The following TAFA2 variants were observed in gnomAD, a reference collection of about 807,000 sequenced individuals.
TAFA2 encodes the protein TAFA chemokine like family member 2.
TAFA2 carries 7 observed loss-of-function variants against 18.8 expected under a neutral mutation model. That is an observed-to-expected ratio of 0.37 (90% CI 0.21 to 0.70). TAFA2 has a LOEUF of 0.70. Among genes scored for constraint, TAFA2 ranks in the 30% least tolerant of loss-of-function variants. The pLI is 0.53. For synonymous variants in TAFA2, 60 were observed against 54.2 expected, an observed-to-expected ratio of 1.11 and a Z score of -0.47; for missense variants, 122 against 158.1, an observed-to-expected ratio of 0.77 and a Z score of 1.23.
At chr12:61,955,532 G>A (rs1166135508) in intron 1 of TAFA2, among the ~76,000 whole-genome samples, 1 of 142,428 alleles carries the variant, frequency 7.0e-6, no homozygotes, top group Non-Finnish European at 1.5e-5. Flanking sequence ...AACCTGGGAG[G>A]TGGAGGTTGC....
chr12:61,887,515 T>C (rs1875436982), intron 1 of TAFA2, among the ~76,000 whole-genome samples: 1 of 151,184 alleles, frequency 6.6e-6, no homozygotes, highest in Non-Finnish European at 1.5e-5. Context: ...ACATGTGCCA[T>C]GCTGGTGTGC....
At chr12:62,100,478 T>C (rs1447505140) in intron 1 of TAFA2, among the ~76,000 whole-genome samples, 1 of 152,172 alleles carries the variant, frequency 6.6e-6, no homozygotes, top group Non-Finnish European at 1.5e-5. Flanking sequence ...AGATTTCTGG[T>C]ATACTAGCTA....
At chr12:62,006,294 G>A (rs1880547169) in intron 1 of TAFA2, among the ~76,000 whole-genome samples, 1 of 152,060 alleles carries the variant, frequency 6.6e-6, no homozygotes, top group South Asian at 2.1e-4. Context: ...TGTTGACAAA[G>A]GCAAACAGGG....
chr12:61,953,449 G>T (rs1051496561), intron 1 of TAFA2, among the ~76,000 whole-genome samples: 5 of 149,014 alleles, frequency 3.4e-5, no homozygotes, highest in African/African-American at 7.8e-5. Flanking sequence ...TATATTGTAG[G>T]ATAAAGGAAA....
intron 2 of TAFA2, among the ~76,000 whole-genome samples, chr12:61,852,774 T>A: frequency 6.6e-6 from 1 of 151,896 alleles, no homozygotes; most frequent in East Asian, 1.9e-4. Flanking sequence ...GGACAAATAA[T>A]AGAAAACGAT....
At chr12:61,899,231 T>A (rs1174000642) in intron 1 of TAFA2, among the ~76,000 whole-genome samples, 1 of 152,212 alleles carries the variant, frequency 6.6e-6, no homozygotes, top group African/African-American at 2.4e-5. Context: ...AACCTCTGTC[T>A]GTGTGGGACA....
chr12:61,953,086 A>G (rs909554342), intron 1 of TAFA2, among the ~76,000 whole-genome samples: 1 of 152,142 alleles, frequency 6.6e-6, no homozygotes, highest in African/African-American at 2.4e-5. Flanking sequence ...CCTTATGTTT[A>G]TCGTTTCCTC....
intron 1 of TAFA2, among the ~76,000 whole-genome samples, chr12:62,018,449 A>T (rs1304725762): frequency 6.6e-6 from 1 of 152,086 alleles, no homozygotes; most frequent in Non-Finnish European, 1.5e-5. Flanking sequence ...TGTCAGTTCA[A>T]CTAAACTTAA....
intron 1 of TAFA2, among the ~76,000 whole-genome samples, chr12:62,221,278 G>C (rs2062761856): frequency 6.8e-6 from 1 of 147,088 alleles, no homozygotes; most frequent in Non-Finnish European, 1.5e-5. Flanking sequence ...TGAAAGAAAA[G>C]AAACAAAAAT....
intron 1 of TAFA2, chr12:62,258,102 G>C (rs1053342682): frequency 6.6e-6 from 1 of 152,166 alleles, no homozygotes; most frequent in African/African-American, 2.4e-5. Context: ...CTTATCTATA[G>C]ACTTGAAATA....
intron 1 of TAFA2, among the ~76,000 whole-genome samples, chr12:62,093,012 G>T (rs1471903116): frequency 1.3e-5 from 2 of 151,958 alleles, no homozygotes; most frequent in Non-Finnish European, 2.9e-5. Flanking sequence ...TAGGAAATTT[G>T]CTTTTTAGTC....
chr12:62,147,322 GTATGTATATATATATATATA>G lies in TAFA2; in HGVS notation c.-2+43917_-2+43936del, dbSNP rs1348643506. 2.7e-3 allele frequency among the ~76,000 whole-genome samples: 135 copies of G among 49,384 alleles called. 3 individuals carry two copies. Among genetic ancestry groups the G allele is most frequent in the African/African-American group, 9.6e-3 (125 of 13,050 alleles). The allele number at this position is 49,384 out of a possible 152,430, so 32.4% of individuals were successfully genotyped here. ...TGTATGCATGTGTGTGTGTGTGTATGTATGTATATATATATATATATATATATATATATATATATATATAT... is the reference window on the plus strand; with the variant it reads ...TGTATGCATGTGTGTGTGTGTGTATGTATATATATATATATATATATATAT... On this transcript the variant is annotated intron_variant, in intron 1 of 4. Transcript: ENST00000416284.
intron 2 of TAFA2, among the ~76,000 whole-genome samples, chr12:61,755,938 G>A (rs1869245485): frequency 6.6e-6 from 1 of 151,898 alleles, no homozygotes; most frequent in Non-Finnish European, 1.5e-5. Context: ...TCAAACATTT[G>A]TTAAAAGATT....
chr12:61,882,135 G>A (rs568171699), intron 1 of TAFA2, among the ~76,000 whole-genome samples: 1 of 152,260 alleles, frequency 6.6e-6, no homozygotes, highest in East Asian at 1.9e-4. Flanking sequence ...TGCCTTCCAT[G>A]GGAGAATCCA....
At chr12:61,905,575 A>G (rs565199806) in intron 1 of TAFA2, among the ~76,000 whole-genome samples, 4 of 152,346 alleles carry the variant, frequency 2.6e-5, no homozygotes, top group African/African-American at 9.6e-5. Context: ...AAATAAATGT[A>G]CATAATTAGC....
chr12:62,209,101 C>T (rs1243119978), intron 1 of TAFA2, among the ~76,000 whole-genome samples: 1 of 152,216 alleles, frequency 6.6e-6, no homozygotes, highest in Non-Finnish European at 1.5e-5. Flanking sequence ...ACTTCCACTT[C>T]AGCAGGAAAT....
At chr12:62,243,157 T>G (rs2062870441) in intron 1 of TAFA2, among the ~76,000 whole-genome samples, 1 of 152,238 alleles carries the variant, frequency 6.6e-6, no homozygotes, top group African/African-American at 2.4e-5. Flanking sequence ...TTTTCATGCT[T>G]TGAATAAGAA....
intron 1 of TAFA2, among the ~76,000 whole-genome samples, chr12:62,087,744 A>G (rs1236074444): frequency 6.6e-6 from 1 of 152,130 alleles, no homozygotes; most frequent in Non-Finnish European, 1.5e-5. Context: ...ATTTGTTTGT[A>G]AAAGATCACT....
chr12:61,893,823 T>C (rs759021692), intron 1 of TAFA2, among the ~76,000 whole-genome samples: 2 of 152,240 alleles, frequency 1.3e-5, no homozygotes, highest in Non-Finnish European at 2.9e-5. Flanking sequence ...TTTTGATAGC[T>C]AAATGAATGT....
Sources: gnomAD v4.1 joint callset for allele counts (sites outside exome capture counted in the v4.1 genomes callset) on GRCh38, gnomAD v4.1.1 for gene constraint, MANE v1.5 for transcripts, NCBI Gene and HGNC (gene_info 2026-07-23, HGNC 2026-07-21) for gene names.